The following MGAT4C variants were observed in gnomAD, a reference collection of about 807,000 sequenced individuals.
The protein encoded by MGAT4C is alpha-1,3-mannosyl-glycoprotein 4-beta-N-acetylglucosaminyltransferase C.
In MGAT4C, 19 loss-of-function variants were observed where a neutral mutation model predicts 40.1. That is an observed-to-expected ratio of 0.47 (90% CI 0.33 to 0.70). The LOEUF is 0.70. MGAT4C is among the 30% of genes least tolerant of loss of function. The pLI, the probability that MGAT4C is intolerant of heterozygous loss-of-function variation, is 0.02. For synonymous variants in MGAT4C, 181 were observed against 187.1 expected (o/e 0.97, Z 0.27); for missense variants, 491 against 563.2 (o/e 0.87, Z 1.30).
At chr12:86,474,470 T>C (rs1269513603) in intron 2 of MGAT4C, among the ~76,000 whole-genome samples, 2 of 151,642 alleles carry the variant, frequency 1.3e-5, no homozygotes, top group African/African-American at 4.8e-5. Context: ...TGTATACATA[T>C]GTAACAAACC....
chr12:86,346,767 T>C (rs985306983), intron 3 of MGAT4C, among the ~76,000 whole-genome samples: 21 of 152,024 alleles, frequency 1.4e-4, no homozygotes, highest in Admixed American at 5.2e-4. Flanking sequence ...CAAAAGAGAT[T>C]AACATTTGAG....
intron 2 of MGAT4C, among the ~76,000 whole-genome samples, chr12:86,453,500 A>C (rs1957460579): frequency 6.6e-6 from 1 of 152,146 alleles, no homozygotes; most frequent in African/African-American, 2.4e-5. Flanking sequence ...AAAGAAACTT[A>C]GAAGTAGGAA....
At chr12:86,706,009 C>G (rs1950449470) in intron 2 of MGAT4C, among the ~76,000 whole-genome samples, 1 of 152,132 alleles carries the variant, frequency 6.6e-6, no homozygotes, top group Non-Finnish European at 1.5e-5. Context: ...TTCAATTCAT[C>G]ACTGTGTTTG....
At position 85,975,418 on chromosome 12, in the gene MGAT4C, G is replaced by T. The variant is rs1457918756; in HGVS notation, c.*3871C>A. 2 of 143,278 alleles carry T rather than the reference G, an allele frequency of 1.4e-5. No individual in the cohort carries two copies. The highest frequency in any genetic ancestry group is 5.0e-5 in the African/African-American group (2 of 40,402). The allele number at this position is 143,278 out of a possible 1,614,324, so 8.9% of individuals were successfully genotyped here. ...TTCCAGCTCTACAAGGAGCTACAAGGTAAAATTGCTACCTTTAAAAACATA... is the reference window on the plus strand; with the variant it reads ...TTCCAGCTCTACAAGGAGCTACAAGTTAAAATTGCTACCTTTAAAAACATA... On this transcript the variant is annotated 3_prime_UTR_variant, in exon 5 of 5. Coordinates refer to ENST00000611864, the MANE Select transcript of MGAT4C (RefSeq NM_001351288.2).
intron 3 of MGAT4C, among the ~76,000 whole-genome samples, chr12:86,380,572 C>T (rs1955909652): frequency 6.6e-6 from 1 of 152,050 alleles, no homozygotes; most frequent in Non-Finnish European, 1.5e-5. Context: ...TCTTCCATGC[C>T]TAAAAGAATG....
chr12:86,559,562 T>C lies in MGAT4C; in HGVS notation c.-228-124297A>G, dbSNP rs561392651. 4.6e-5 allele frequency among the ~76,000 whole-genome samples: 7 copies of C among 151,790 alleles called. No homozygotes were observed. In the South Asian group the frequency reaches 1.2e-3, roughly 27 times the overall value. ...AACATGCTCTTGAACAACCAATGGG[T>C]TAATGAAGAAATTAAGATGAAAAAC... On this transcript the variant is annotated intron_variant, in intron 2 of 7. Transcript: ENST00000548651.
intron 3 of MGAT4C, among the ~76,000 whole-genome samples, chr12:86,426,295 G>A (rs889151655): frequency 2.6e-5 from 4 of 152,088 alleles, no homozygotes; most frequent in East Asian, 3.9e-4. Flanking sequence ...TTCGTTTACC[G>A]ATTGGCTCAC....
intron 3 of MGAT4C, among the ~76,000 whole-genome samples, chr12:86,356,084 T>C (rs1955302760): frequency 6.6e-6 from 1 of 152,110 alleles, no homozygotes. Flanking sequence ...AAATTATATT[T>C]ATATATTGTA....
intron 3 of MGAT4C, among the ~76,000 whole-genome samples, chr12:86,346,116 C>T (rs1955026799): frequency 6.6e-6 from 1 of 152,256 alleles, no homozygotes; most frequent in South Asian, 2.1e-4. Context: ...ATAAATTGTG[C>T]CCACTATTTT....
rs57813728 is a variant in MGAT4C, at chr12:86,221,041, G to A, written c.-57+35198C>T. On this transcript the variant is annotated intron_variant, in intron 1 of 4. Coordinates refer to ENST00000611864, the MANE Select transcript of MGAT4C (RefSeq NM_001351288.2). ...CTTTGGACTACCTGTTGACTGAACC[G>A]GGGGAATGTGTGTGCTAGTTAACAC... Among the ~76,000 whole-genome samples, 34 of 152,200 alleles carry A rather than the reference G, an allele frequency of 2.2e-4. No individual in the cohort carries two copies. In the East Asian group the frequency reaches 5.8e-3, roughly 26 times the overall value.
chr12:86,547,483 ATCT>A (rs1170608986), intron 2 of MGAT4C, among the ~76,000 whole-genome samples: 4 of 152,106 alleles, frequency 2.6e-5, no homozygotes, highest in Non-Finnish European at 5.9e-5. Flanking sequence ...TCTCATTGAT[ATCT>A]TACCTGTGCA....
intron 2 of MGAT4C, among the ~76,000 whole-genome samples, chr12:86,540,684 C>T (rs1479698067): frequency 2.6e-5 from 4 of 151,870 alleles, no homozygotes; most frequent in African/African-American, 7.3e-5. Flanking sequence ...TGCAGTGAGC[C>T]GAGATTGCAC....
intron 2 of MGAT4C, among the ~76,000 whole-genome samples, chr12:86,027,779 T>C (rs572510113): frequency 6.6e-6 from 1 of 152,024 alleles, no homozygotes; most frequent in Non-Finnish European, 1.5e-5. Flanking sequence ...GCCCTCATTA[T>C]AGCTTTTACT....
intron 2 of MGAT4C, among the ~76,000 whole-genome samples, chr12:86,620,730 G>A (rs115483689): frequency 0.011 from 1,686 of 152,288 alleles, 32 homozygotes; most frequent in African/African-American, 0.038. Context: ...CTAATCCCCA[G>A]TGTTGAAGGA....
At chr12:86,207,826 A>C (rs1950316087) in intron 1 of MGAT4C, among the ~76,000 whole-genome samples, 2 of 152,342 alleles carry the variant, frequency 1.3e-5, no homozygotes, top group African/African-American at 4.8e-5. Context: ...GAACATTTGC[A>C]ATTCATCCAA....
At chr12:86,173,908 T>C (rs1887115144) in intron 1 of MGAT4C, among the ~76,000 whole-genome samples, 1 of 152,096 alleles carries the variant, frequency 6.6e-6, no homozygotes, top group South Asian at 2.1e-4. Flanking sequence ...CTCTTTTTTA[T>C]GTCCAAGCTT....
At chr12:86,052,351 G>C (rs571982793) in intron 1 of MGAT4C, among the ~76,000 whole-genome samples, 1 of 151,550 alleles carries the variant, frequency 6.6e-6, no homozygotes, top group Non-Finnish European at 1.5e-5. Flanking sequence ...TTACAGAAAA[G>C]TTTTCAAGAT....
chr12:86,184,000 C>T (rs1345249417), intron 1 of MGAT4C, among the ~76,000 whole-genome samples: 4 of 152,136 alleles, frequency 2.6e-5, no homozygotes, highest in Non-Finnish European at 4.4e-5. Context: ...ACGATTTGGT[C>T]GTCTGTGTGT....
At chr12:86,707,020 T>C (rs1019827561) in intron 2 of MGAT4C, among the ~76,000 whole-genome samples, 2 of 152,218 alleles carry the variant, frequency 1.3e-5, no homozygotes, top group Non-Finnish European at 2.9e-5. Context: ...GACTTGCTCC[T>C]CCTTGCCTTC....
Sources: gnomAD v4.1 joint callset for allele counts (sites outside exome capture counted in the v4.1 genomes callset) on GRCh38, gnomAD v4.1.1 for gene constraint, MANE v1.5 for transcripts, NCBI Gene and HGNC (gene_info 2026-07-23, HGNC 2026-07-21) for gene names.